RAB3C: variants seen among roughly 807,000 people sequenced by gnomAD.
The protein encoded by RAB3C is ras-related protein Rab-3C.
Under a neutral mutation model 26.4 loss-of-function variants are expected in RAB3C, and 17 were observed. That is an observed-to-expected ratio of 0.64 (90% CI 0.44 to 0.97). The LOEUF is 0.97. Among genes scored for constraint, RAB3C ranks in the 50% least tolerant of loss-of-function variants. RAB3C has a pLI of 0.00. For synonymous variants in RAB3C, 91 were observed against 95.9 expected (o/e 0.95, Z 0.30); for missense variants, 242 against 281.9 (o/e 0.86, Z 1.01).
chr5:58,587,437 G>T (rs1339003410), intron 1 of RAB3C, among the ~76,000 whole-genome samples: 1 of 152,136 alleles, frequency 6.6e-6, no homozygotes, highest in East Asian at 1.9e-4. Flanking sequence ...ATGTGGCTCA[G>T]AGGTTCTGTG....
chr5:58,604,293 A>G (rs1452761484), intron 1 of RAB3C, among the ~76,000 whole-genome samples: 1 of 152,238 alleles, frequency 6.6e-6, no homozygotes, highest in Non-Finnish European at 1.5e-5. Flanking sequence ...GCCTTCTGCC[A>G]GGAGGTGGCA....
chr5:58,639,764 C>T (rs1042406945), intron 2 of RAB3C, among the ~76,000 whole-genome samples: 1 of 152,168 alleles, frequency 6.6e-6, no homozygotes, highest in African/African-American at 2.4e-5. Flanking sequence ...AAACCACCTG[C>T]TCACCACAAG....
At chr5:58,828,670 T>G (rs1743541924) in intron 4 of RAB3C, among the ~76,000 whole-genome samples, 1 of 152,206 alleles carries the variant, frequency 6.6e-6, no homozygotes, top group African/African-American at 2.4e-5. Context: ...GCAGCTGAAT[T>G]GGCTGGGGTT....
intron 2 of RAB3C, among the ~76,000 whole-genome samples, chr5:58,621,941 C>T (rs1203248425): frequency 6.6e-6 from 1 of 152,190 alleles, no homozygotes; most frequent in African/African-American, 2.4e-5. Context: ...TCATTTTCTA[C>T]TTGATGGTTT....
At chr5:58,732,083 T>A (rs1290156867) in intron 3 of RAB3C, among the ~76,000 whole-genome samples, 1 of 144,652 alleles carries the variant, frequency 6.9e-6, no homozygotes, top group Non-Finnish European at 1.5e-5. Context: ...TTTATTTATT[T>A]ATTTTTTTCT....
intron 2 of RAB3C, among the ~76,000 whole-genome samples, chr5:58,620,575 A>G (rs1746914468): frequency 1.3e-5 from 2 of 152,202 alleles, no homozygotes; most frequent in African/African-American, 4.8e-5. Flanking sequence ...TATGTTAGGC[A>G]TTATCTTTGC....
At chr5:58,749,625 C>T (rs6899305) in intron 3 of RAB3C, among the ~76,000 whole-genome samples, 213 of 152,172 alleles carry the variant, frequency 1.4e-3, no homozygotes, top group Non-Finnish European at 2.5e-3. Flanking sequence ...TAACTGTTTA[C>T]AATTTTTAAA....
In RAB3C at chr5:58,638,726, C is replaced by A. The variant is rs576606172; in HGVS notation, c.252+20856C>A. 3.2e-4 allele frequency among the ~76,000 whole-genome samples: 49 copies of A among 152,258 alleles called. No individual in the cohort carries two copies. In the South Asian group the frequency reaches 9.9e-3, roughly 31 times the overall value. Reference sequence around the variant, plus strand: ...ATTATATGTCACCTCGGGCACTGAACGTATGCAAGCTGTATATGGATCACT... The same window carrying A: ...ATTATATGTCACCTCGGGCACTGAAAGTATGCAAGCTGTATATGGATCACT... On this transcript the variant is annotated intron_variant, in intron 2 of 4. Transcript: ENST00000282878.
At chr5:58,829,740 G>A (rs185114253) in intron 4 of RAB3C, among the ~76,000 whole-genome samples, 3 of 152,204 alleles carry the variant, frequency 2.0e-5, no homozygotes, top group South Asian at 2.1e-4. Context: ...CTGAACATAC[G>A]TATTACCAAA....
At chr5:58,805,603 A>AG (rs371759619) in intron 3 of RAB3C, among the ~76,000 whole-genome samples, 76 of 132,994 alleles carry the variant, frequency 5.7e-4, no homozygotes, top group African/African-American at 1.9e-3. Context: ...AAAAAAAAAA[A>AG]AGAGAGAGAG....
intron 2 of RAB3C, among the ~76,000 whole-genome samples, chr5:58,622,420 C>CA (rs1292528748): frequency 4.6e-5 from 7 of 151,950 alleles, no homozygotes; most frequent in Non-Finnish European, 8.8e-5. Context: ...CATCAGAATA[C>CA]AAAAAATAAA....
chr5:58,667,644 G>A (rs1375164618), intron 2 of RAB3C, among the ~76,000 whole-genome samples: 1 of 152,074 alleles, frequency 6.6e-6, no homozygotes, highest in East Asian at 1.9e-4. Context: ...TTTACTACAT[G>A]CTAGCCACTT....
intron 2 of RAB3C, among the ~76,000 whole-genome samples, chr5:58,682,569 A>G (rs1376302216): frequency 6.6e-6 from 1 of 152,062 alleles, no homozygotes; most frequent in Non-Finnish European, 1.5e-5. Context: ...CTATAGTCCC[A>G]GCTACTGGAG....
intron 1 of RAB3C, among the ~76,000 whole-genome samples, chr5:58,603,064 A>G (rs947900958): frequency 7.2e-5 from 11 of 152,120 alleles, no homozygotes; most frequent in Admixed American, 5.2e-4. Context: ...TCTTTCCTTC[A>G]TATATGATGC....
chr5:58,594,068 C>T (rs1229034544), intron 1 of RAB3C, among the ~76,000 whole-genome samples: 1 of 152,200 alleles, frequency 6.6e-6, no homozygotes, highest in African/African-American at 2.4e-5. Flanking sequence ...TCATCAGCCT[C>T]TCATCACTTG....
At chr5:58,642,776 A>C (rs1441410052) in intron 2 of RAB3C, among the ~76,000 whole-genome samples, 1 of 152,236 alleles carries the variant, frequency 6.6e-6, no homozygotes, top group Non-Finnish European at 1.5e-5. Context: ...CTTCTGTTTG[A>C]AACATCGCGG....
At chr5:58,631,617 T>C (rs1747185000) in intron 2 of RAB3C, among the ~76,000 whole-genome samples, 1 of 152,176 alleles carries the variant, frequency 6.6e-6, no homozygotes, top group African/African-American at 2.4e-5. Flanking sequence ...AGGCATATTA[T>C]TGACACTTTA....
chr5:58,774,887 G>C (rs538944699), intron 3 of RAB3C, among the ~76,000 whole-genome samples: 1 of 152,264 alleles, frequency 6.6e-6, no homozygotes, highest in East Asian at 1.9e-4. Context: ...ACTTTAGTAG[G>C]ATACAGGTCA....
chr5:58,623,369 C>T (rs544402616), intron 2 of RAB3C, among the ~76,000 whole-genome samples: 1 of 152,210 alleles, frequency 6.6e-6, no homozygotes, highest in African/African-American at 2.4e-5. Flanking sequence ...ATCAGGTCCT[C>T]TGGTCTATTT....
Sources: gnomAD v4.1 joint callset for allele counts (sites outside exome capture counted in the v4.1 genomes callset) on GRCh38, gnomAD v4.1.1 for gene constraint, MANE v1.5 for transcripts, NCBI Gene and HGNC (gene_info 2026-07-23, HGNC 2026-07-21) for gene names.